The following ELMO1 variants were observed in gnomAD, a reference collection of about 807,000 sequenced individuals.
ELMO1 encodes engulfment and cell motility protein 1.
Under a neutral mutation model 98.9 loss-of-function variants are expected in ELMO1, and 26 were observed. The ratio of observed to expected loss-of-function variants is 0.26; its 90% CI spans 0.19 to 0.36. ELMO1 has a LOEUF of 0.36. ELMO1 is among the 10% of genes least tolerant of loss of function. The pLI is 1.00. For missense variants in ELMO1, 627 were observed against 935.2 expected (o/e 0.67, Z 4.30); for synonymous variants, 346 against 346.0 (o/e 1.00, Z 0.00).
At chr7:37,150,763 G>C (rs1044785537) in intron 13 of ELMO1, among the ~76,000 whole-genome samples, 5 of 152,116 alleles carry the variant, frequency 3.3e-5, no homozygotes, top group African/African-American at 1.2e-4. Context: ...ATAATGATTT[G>C]TAGTGGTGGG....
chr7:37,294,449 C>T (rs6948332), intron 4 of ELMO1, among the ~76,000 whole-genome samples: 8,170 of 151,668 alleles, frequency 0.054, 315 homozygotes, highest in Middle Eastern at 0.087. Context: ...GTCAGGGTGA[C>T]GGGAATAGAA....
chr7:36,919,968 C>T (rs1024403104), intron 16 of ELMO1, among the ~76,000 whole-genome samples: 69 of 152,192 alleles, frequency 4.5e-4, no homozygotes, highest in African/African-American at 1.5e-3. Context: ...AAAAGCCCCA[C>T]CCCTTTTGAC....
At chr7:37,183,704 C>T (rs887950233) in intron 13 of ELMO1, among the ~76,000 whole-genome samples, 6 of 124,766 alleles carry the variant, frequency 4.8e-5, no homozygotes, top group African/African-American at 1.9e-4. Context: ...TCTCACTTCA[C>T]TAAGTATATT....
intron 21 of ELMO1, among the ~76,000 whole-genome samples, chr7:36,856,282 G>A (rs1360228937): frequency 6.6e-6 from 1 of 152,194 alleles, no homozygotes; most frequent in Non-Finnish European, 1.5e-5. Flanking sequence ...TGGAGCCAAT[G>A]GCCAATGGCA....
intron 16 of ELMO1, among the ~76,000 whole-genome samples, chr7:36,973,001 G>A (rs1398392218): frequency 1.3e-5 from 2 of 152,070 alleles, no homozygotes; most frequent in East Asian, 1.9e-4. Flanking sequence ...GGCTGGTCTC[G>A]AACTACTGAC....
intron 15 of ELMO1, among the ~76,000 whole-genome samples, chr7:37,068,747 C>A (rs996818180): frequency 6.6e-6 from 1 of 152,004 alleles, no homozygotes; most frequent in Non-Finnish European, 1.5e-5. Flanking sequence ...GATAGTGGTG[C>A]TCACTAAAGC....
intron 15 of ELMO1, among the ~76,000 whole-genome samples, 177 bp downstream of exon 15, chr7:37,096,442 C>A (rs1426656914): frequency 6.6e-6 from 1 of 152,120 alleles, no homozygotes; most frequent in Non-Finnish European, 1.5e-5. Context: ...TACTTCCAGA[C>A]CAGACATGCA....
At chr7:36,901,594 A>C (rs569405763) in intron 16 of ELMO1, among the ~76,000 whole-genome samples, 1 of 152,200 alleles carries the variant, frequency 6.6e-6, no homozygotes, top group Non-Finnish European at 1.5e-5. Context: ...TGAAAACAAC[A>C]CCTGGCTTTA....
At chr7:37,331,366 TAG>T (rs1202378998) in intron 2 of ELMO1, among the ~76,000 whole-genome samples, 2 of 123,550 alleles carry the variant, frequency 1.6e-5, no homozygotes, top group Admixed American at 1.7e-4. Context: ...GGAATTTTAG[TAG>T]AGACAGGGTT....
At chr7:36,903,728 GT>G (rs1480437055) in intron 16 of ELMO1, among the ~76,000 whole-genome samples, 2 of 152,214 alleles carry the variant, frequency 1.3e-5, no homozygotes, top group Admixed American at 1.3e-4. Context: ...AATGACTGCA[GT>G]TCCAGCGAAA....
At chr7:37,052,333 C>T (rs1280532559) in intron 15 of ELMO1, among the ~76,000 whole-genome samples, 1 of 152,148 alleles carries the variant, frequency 6.6e-6, no homozygotes, top group Non-Finnish European at 1.5e-5. Flanking sequence ...TCATGCAAAG[C>T]CATGTTAGTT....
At chr7:37,392,200 A>G (rs1390313829) in intron 1 of ELMO1, among the ~76,000 whole-genome samples, 1 of 152,154 alleles carries the variant, frequency 6.6e-6, no homozygotes, top group Non-Finnish European at 1.5e-5. Context: ...GAAACAAAAC[A>G]AAACAGAAAG....
At chr7:37,051,726 T>C (rs1038293047) in intron 15 of ELMO1, among the ~76,000 whole-genome samples, 4 of 152,218 alleles carry the variant, frequency 2.6e-5, no homozygotes, top group African/African-American at 9.7e-5. Flanking sequence ...ATTTTGCTAT[T>C]AAAATCTGGC....
intron 1 of ELMO1, chr7:37,419,508 C>G (rs766413248): frequency 1.1e-4 from 17 of 152,134 alleles, no homozygotes; most frequent in Non-Finnish European, 1.8e-4. Context: ...ACTTTGGAAA[C>G]AGTAAAATGT....
chr7:36,978,009 T>A (rs1035666548), intron 16 of ELMO1, among the ~76,000 whole-genome samples: 1 of 151,980 alleles, frequency 6.6e-6, no homozygotes, highest in African/African-American at 2.4e-5. Context: ...GGTTAATCCA[T>A]ATATACTCAC....
chr7:37,447,914 C>G (rs1377667806), intron 1 of ELMO1, among the ~76,000 whole-genome samples: 1 of 151,798 alleles, frequency 6.6e-6, no homozygotes, highest in Non-Finnish European at 1.5e-5. Context: ...CATGCCGCCG[C>G]CCCCTTCTCT....
intron 4 of ELMO1, among the ~76,000 whole-genome samples, chr7:37,287,347 G>A (rs567947635): frequency 5.2e-4 from 79 of 152,308 alleles, no homozygotes; most frequent in African/African-American, 1.8e-3. Flanking sequence ...AAATGGGTTT[G>A]GCTGTGTTCC....
chr7:37,038,908 C>T (rs1795339923), intron 15 of ELMO1, among the ~76,000 whole-genome samples: 1 of 152,134 alleles, frequency 6.6e-6, no homozygotes, highest in African/African-American at 2.4e-5. Context: ...GCACTAATCC[C>T]ATTATGAGGG....
chr7:37,309,424 C>T (rs574215846), intron 4 of ELMO1, among the ~76,000 whole-genome samples: 22 of 152,294 alleles, frequency 1.4e-4, no homozygotes, highest in Admixed American at 1.2e-3. Context: ...ACAGCCAAAC[C>T]ATATCAGGCA....
Sources: gnomAD v4.1 joint callset for allele counts (sites outside exome capture counted in the v4.1 genomes callset) on GRCh38, gnomAD v4.1.1 for gene constraint, MANE v1.5 for transcripts, NCBI Gene and HGNC (gene_info 2026-07-23, HGNC 2026-07-21) for gene names.